The following BCL7B variants were observed in gnomAD, a reference collection of about 807,000 sequenced individuals.
BCL7B encodes the protein BAF chromatin remodeling complex subunit BCL7B.
BCL7B carries 11 observed loss-of-function variants against 26.5 expected under a neutral mutation model. The ratio of observed to expected loss-of-function variants is 0.42; its 90% CI spans 0.26 to 0.69. The LOEUF is 0.69. Among genes scored for constraint, BCL7B ranks in the 30% least tolerant of loss-of-function variants. BCL7B has a pLI of 0.28. For missense variants in BCL7B, 215 were observed against 264.4 expected (o/e 0.81, Z 1.30); for synonymous variants, 111 against 107.9 (o/e 1.03, Z -0.18).
chr7:73,545,709 T>C (rs933955646), intron 2 of BCL7B, among the ~76,000 whole-genome samples: 5 of 152,202 alleles, frequency 3.3e-5, no homozygotes, highest in Non-Finnish European at 5.9e-5. Context: ...TTGGGATGGC[T>C]GCTCTCAGAT....
chr7:73,542,619 A>G (rs1314278431), intron 3 of BCL7B, among the ~76,000 whole-genome samples: 1 of 152,178 alleles, frequency 6.6e-6, no homozygotes, highest in Non-Finnish European at 1.5e-5. Context: ...TAAAAATGAG[A>G]AAGTAAAGTA....
At chr7:73,550,283 TG>T (rs1405278520) in intron 2 of BCL7B, among the ~76,000 whole-genome samples, 1 of 152,160 alleles carries the variant, frequency 6.6e-6, no homozygotes, top group East Asian at 1.9e-4. Flanking sequence ...CGGTGGTTCA[TG>T]CCTGTCATCC....
chr7:73,544,205 G>A (rs1554583261), intron 2 of BCL7B, among the ~76,000 whole-genome samples: 2 of 152,080 alleles, frequency 1.3e-5, no homozygotes. Flanking sequence ...TGGATCACCT[G>A]AGGTCAGGAG....
At chr7:73,540,126 AG>A in intron 3 of BCL7B, 74 bp from the exon 4 acceptor site, 1 of 1,503,624 alleles carries the variant, frequency 6.7e-7, no homozygotes, top group Non-Finnish European at 9.0e-7. Flanking sequence ...GACAGAGCCA[AG>A]GGCCTGGCAT....
chr7:73,551,659 G>C (rs1301229256), intron 2 of BCL7B, among the ~76,000 whole-genome samples: 1 of 152,142 alleles, frequency 6.6e-6, no homozygotes, highest in Non-Finnish European at 1.5e-5. Context: ...CAGGGCTGTA[G>C]TTTGTCAAGC....
At chr7:73,555,619 T>C (rs1401464086) in intron 1 of BCL7B, among the ~76,000 whole-genome samples, 1 of 151,994 alleles carries the variant, frequency 6.6e-6, no homozygotes, top group Non-Finnish European at 1.5e-5. Context: ...ACTTCATTGG[T>C]AAGACAGCGG....
intron 4 of BCL7B, 175 bp from the exon 5 acceptor site, chr7:73,538,188 G>A (rs1312820892): frequency 2.4e-6 from 1 of 421,438 alleles, no homozygotes; most frequent in Non-Finnish European, 4.2e-6. Context: ...ATGGTGGAAG[G>A]GCAAAATACG....
At chr7:73,543,749 A>C in intron 2 of BCL7B, 105 bp from the exon 3 acceptor site, 3 of 851,026 alleles carry the variant, frequency 3.5e-6, no homozygotes, top group Non-Finnish European at 5.6e-6. Flanking sequence ...TTAGGACTGA[A>C]CAGGAAAAAC....
intron 2 of BCL7B, among the ~76,000 whole-genome samples, chr7:73,550,549 AAC>A (rs200200292): frequency 0.041 from 6,302 of 151,906 alleles, 169 homozygotes; most frequent in Non-Finnish European, 0.065. Flanking sequence ...GTCTCAAAAA[AAC>A]AAAAAAGCAA....
At chr7:73,546,101 G>A (rs1166428666) in intron 2 of BCL7B, among the ~76,000 whole-genome samples, 2 of 145,930 alleles carry the variant, frequency 1.4e-5, no homozygotes, top group African/African-American at 2.5e-5. Flanking sequence ...CACTGCACTC[G>A]AGCCTGGGTG....
At chr7:73,542,797 G>C (rs1554583011) in intron 3 of BCL7B, 1 of 401,130 alleles carries the variant, frequency 2.5e-6, no homozygotes, top group East Asian at 7.2e-5. Context: ...AAAACATACA[G>C]TCTAGGCCAG....
At chr7:73,552,367 G>T in intron 1 of BCL7B, 125 bp from the exon 2 acceptor site, 1 of 774,160 alleles carries the variant, frequency 1.3e-6, no homozygotes, top group Non-Finnish European at 2.2e-6. Flanking sequence ...CTTCCTCTTG[G>T]TGGGGTATGG....
At chr7:73,555,054 T>G (rs1183807173) in intron 1 of BCL7B, among the ~76,000 whole-genome samples, 2 of 152,082 alleles carry the variant, frequency 1.3e-5, no homozygotes, top group African/African-American at 4.8e-5. Flanking sequence ...AATTCAAGAT[T>G]AGTCACTTAA....
At chr7:73,547,096 G>A (rs1791983156) in intron 2 of BCL7B, among the ~76,000 whole-genome samples, 1 of 152,100 alleles carries the variant, frequency 6.6e-6, no homozygotes, top group Non-Finnish European at 1.5e-5. Flanking sequence ...AGGTTGCGGT[G>A]AGCTGAGATT....
intron 3 of BCL7B, among the ~76,000 whole-genome samples, chr7:73,543,170 C>T (rs1226676476): frequency 1.3e-5 from 2 of 151,860 alleles, no homozygotes; most frequent in Non-Finnish European, 2.9e-5. Flanking sequence ...TGAATTGATA[C>T]ACAGAATTCT....
chr7:73,547,202 C>G (rs1401456084), intron 2 of BCL7B, among the ~76,000 whole-genome samples: 1 of 151,926 alleles, frequency 6.6e-6, no homozygotes, highest in Non-Finnish European at 1.5e-5. Context: ...GTGGCTCACA[C>G]CTGTGATCCC....
In BCL7B at chr7:73,557,108, C is replaced by T. The variant is rs1241876435; in HGVS notation, c.92+379G>A. 21 of 993,848 alleles carry T rather than the reference C, an allele frequency of 2.1e-5. No homozygotes were observed. In the African/African-American group the frequency reaches 2.3e-4, roughly 11 times the overall value. 61.6% of individuals were successfully genotyped at this position (993,848 alleles called of 1,614,324 possible). ...GCTGACACCACTCCAGGGCTACTCG[C>T]TATTATCAAGAGGAAGCCTGGAAAC... On this transcript the variant is annotated intron_variant, in intron 1 of 5. Transcript: ENST00000223368.
intron 1 of BCL7B, among the ~76,000 whole-genome samples, chr7:73,552,827 G>C (rs1275006636): frequency 6.6e-6 from 1 of 152,116 alleles, no homozygotes; most frequent in Non-Finnish European, 1.5e-5. Context: ...CTGGAAGGTA[G>C]CACACACAGC....
rs991392816 is a variant in BCL7B, at chr7:73,537,186, T to C, written c.*112A>G. On this transcript the variant is annotated 3_prime_UTR_variant, in exon 6 of 6. Transcript: ENST00000223368. The stretch of plus-strand genomic sequence containing the variant: ...CCAGCCTTCCAGCCCGGAAGGCTCA[T>C]GTGTGCAGGCTCTTGACCCCAGTGC... 5.2e-5 allele frequency: 50 copies of C among 964,076 alleles called. No homozygotes were observed. Among genetic ancestry groups the C allele is most frequent in the Non-Finnish European group, 7.0e-5 (44 of 625,194 alleles). 59.7% of individuals were successfully genotyped at this position (964,076 alleles called of 1,614,324 possible).
Sources: gnomAD v4.1 joint callset for allele counts (sites outside exome capture counted in the v4.1 genomes callset) on GRCh38, gnomAD v4.1.1 for gene constraint, MANE v1.5 for transcripts, NCBI Gene and HGNC (gene_info 2026-07-23, HGNC 2026-07-21) for gene names.